RMDN2: variants seen among roughly 807,000 people sequenced by gnomAD.
The protein encoded by RMDN2 is regulator of microtubule dynamics 2.
In RMDN2, 61 loss-of-function variants were observed where a neutral mutation model predicts 52.8. The ratio of observed to expected loss-of-function variants is 1.16; its 90% CI spans 0.94 to 1.43. RMDN2 has a LOEUF of 1.43. RMDN2 is among the 40% of genes most tolerant of loss of function. The probability of loss-of-function intolerance (pLI) is 0.00; values close to 1 mark genes in which losing one functional copy is unlikely to be tolerated. For synonymous variants in RMDN2, 180 were observed against 153.1 expected, an observed-to-expected ratio of 1.18 and a Z score of -1.30; for missense variants, 592 against 475.3, an observed-to-expected ratio of 1.25 and a Z score of -2.28.
chr2:37,961,486 T>G (rs949372718), intron 2 of RMDN2, among the ~76,000 whole-genome samples: 1 of 151,922 alleles, frequency 6.6e-6, no homozygotes, highest in Non-Finnish European at 1.5e-5. Flanking sequence ...GATATGGTTA[T>G]TGATACTTGT....
At chr2:37,978,376 C>G (rs1672841175) in intron 4 of RMDN2, among the ~76,000 whole-genome samples, 1 of 151,860 alleles carries the variant, frequency 6.6e-6, no homozygotes, top group Non-Finnish European at 1.5e-5. Flanking sequence ...TCATAAGTAC[C>G]TGCCCTACCC....
intron 2 of RMDN2, among the ~76,000 whole-genome samples, chr2:37,961,612 G>C (rs1377240250): frequency 6.6e-6 from 1 of 151,932 alleles, no homozygotes; most frequent in Non-Finnish European, 1.5e-5. Context: ...AAAGTTCTTA[G>C]CTTCCTTGCA....
At chr2:37,975,967 T>C (rs1266821290) in intron 4 of RMDN2, among the ~76,000 whole-genome samples, 3 of 152,204 alleles carry the variant, frequency 2.0e-5, no homozygotes, top group Non-Finnish European at 4.4e-5. Flanking sequence ...TGAGAAACAA[T>C]AACAGGCAGA....
At chr2:37,932,955 C>A (rs1464718042) in intron 2 of RMDN2, among the ~76,000 whole-genome samples, 1 of 151,010 alleles carries the variant, frequency 6.6e-6, no homozygotes, top group Admixed American at 6.6e-5. Flanking sequence ...GGCTGCCGGG[C>A]GGAGACGCTC....
chr2:38,066,547 C>A (rs1321102166), intron 10 of RMDN2, among the ~76,000 whole-genome samples: 2 of 152,164 alleles, frequency 1.3e-5, no homozygotes, highest in African/African-American at 4.8e-5. Context: ...GAGTTAACAG[C>A]CAGTGAACTT....
upstream of RMDN2, chr2:37,923,348 C>G (rs1030059563): frequency 1.1e-4 from 17 of 152,198 alleles, no homozygotes; most frequent in African/African-American, 3.9e-4. Flanking sequence ...CAGCTGCCAT[C>G]TTCCTCTTGG....
chr2:38,019,933 T>G (rs1457605421), downstream of RMDN2, among the ~76,000 whole-genome samples: 1 of 151,766 alleles, frequency 6.6e-6, no homozygotes, highest in Non-Finnish European at 1.5e-5. Context: ...TGAAACTGTT[T>G]CAAAAAAATT....
intron 10 of RMDN2, among the ~76,000 whole-genome samples, chr2:38,032,033 T>C (rs889678882): frequency 6.6e-6 from 1 of 152,200 alleles, no homozygotes; most frequent in Non-Finnish European, 1.5e-5. Context: ...CTCTCACTGG[T>C]TTACCTGTCC....
In RMDN2 at chr2:37,958,730, A is replaced by T. The variant is rs960763775; in HGVS notation, c.453-15310A>T. On this transcript the variant is annotated intron_variant, in intron 2 of 10. Transcript: ENST00000354545. ...TGTCTTGTGCTGGGTTTCAAAGGGA[A>T]TGCTTCCAGCTTTTGCCCATTCAGT... Among the ~76,000 whole-genome samples, 3 of 150,826 alleles carry T rather than the reference A, an allele frequency of 2.0e-5. 1 individual carries two copies. The highest frequency in any genetic ancestry group is 7.5e-5 in the African/African-American group (3 of 40,142).
chr2:37,967,575 G>A (rs1437906400), intron 2 of RMDN2, among the ~76,000 whole-genome samples: 1 of 152,220 alleles, frequency 6.6e-6, no homozygotes, highest in East Asian at 1.9e-4. Flanking sequence ...ACCAAAGAAT[G>A]ATGACATCTA....
chr2:37,975,597 A>G (rs1366954905), intron 4 of RMDN2, among the ~76,000 whole-genome samples: 3 of 152,084 alleles, frequency 2.0e-5, no homozygotes, highest in Admixed American at 6.5e-5. Context: ...TAGGAGAAAT[A>G]CCTAATGTAG....
chr2:37,971,108 ATGTC>A (rs1402598904), intron 2 of RMDN2, among the ~76,000 whole-genome samples: 9 of 152,094 alleles, frequency 5.9e-5, no homozygotes, highest in Admixed American at 3.9e-4. Context: ...TTATGATGTC[ATGTC>A]TAAGAAACCA....
At chr2:38,003,604 G>GATAGATAGATAGATAGGCAGACAGA (rs1306774545) in intron 8 of RMDN2, among the ~76,000 whole-genome samples, 8 of 103,162 alleles carry the variant, frequency 7.8e-5, no homozygotes, top group Admixed American at 5.3e-4. Context: ...AGATAGATAG[G>GATAGATAGATAGATAGGCAGACAGA]CAGACAGACA....
At chr2:37,980,708 C>G (rs967063429) in intron 4 of RMDN2, among the ~76,000 whole-genome samples, 6 of 152,088 alleles carry the variant, frequency 3.9e-5, no homozygotes, top group African/African-American at 1.4e-4. Context: ...AATGATTAGG[C>G]AAGAACTTCT....
chr2:37,995,361 T>C (rs1572993625), intron 7 of RMDN2, among the ~76,000 whole-genome samples: 1 of 148,584 alleles, frequency 6.7e-6, no homozygotes, highest in African/African-American at 2.6e-5. Context: ...CTACTACTAC[T>C]ACTACACACA....
chr2:37,961,641 C>T (rs1420032711), intron 2 of RMDN2, among the ~76,000 whole-genome samples: 3 of 151,938 alleles, frequency 2.0e-5, no homozygotes, highest in East Asian at 1.9e-4. Context: ...GGACATGCTC[C>T]TTTAGCTCGG....
chr2:38,000,603 G>T (rs1676184675), intron 8 of RMDN2, among the ~76,000 whole-genome samples: 1 of 152,104 alleles, frequency 6.6e-6, no homozygotes, highest in South Asian at 2.1e-4. Context: ...CATACAACAT[G>T]TACTTTTGTG....
At chr2:37,951,730 A>C in intron 2 of RMDN2, 1 of 1,612,620 alleles carries the variant, frequency 6.2e-7, no homozygotes. Flanking sequence ...ACTGATGCTA[A>C]AAAACATATA....
intron 2 of RMDN2, among the ~76,000 whole-genome samples, chr2:37,938,544 G>C: frequency 6.6e-6 from 1 of 152,146 alleles, no homozygotes; most frequent in Non-Finnish European, 1.5e-5. Context: ...ATGGTTGGTA[G>C]GCTATTAAGT....
Sources: allele counts gnomAD v4.1 joint callset (sites outside exome capture counted in the v4.1 genomes callset), GRCh38; gene constraint gnomAD v4.1.1; transcripts MANE v1.5; gene names NCBI Gene and HGNC (gene_info 2026-07-23, HGNC 2026-07-21).